Variants in GPHN observed in about 807,000 individuals in gnomAD.
GPHN encodes gephyrin.
A neutral mutation model predicts 95.5 loss-of-function variants in GPHN; 17 were observed. That is an observed-to-expected ratio of 0.18 (90% CI 0.12 to 0.27). The LOEUF is 0.27. Among genes scored for constraint, GPHN ranks in the 10% least tolerant of loss-of-function variants. The pLI is 1.00. For missense variants in GPHN, 660 were observed against 978.1 expected (o/e 0.67, Z 4.34); for synonymous variants, 320 against 322.5 (o/e 0.99, Z 0.08).
At chr14:67,214,827 C>T in the GPHN span, among the ~76,000 whole-genome samples, 1 of 152,166 alleles carries the variant, frequency 6.6e-6, no homozygotes, top group East Asian at 1.9e-4. Flanking sequence ...TTATTTGTAT[C>T]CTCTTTGATT....
chr14:66,598,119 G>T (rs1293471081), intron 1 of GPHN, among the ~76,000 whole-genome samples: 1 of 152,146 alleles, frequency 6.6e-6, no homozygotes, highest in Non-Finnish European at 1.5e-5. Context: ...ATTATCAGAG[G>T]CTAGGGTGTG....
At chr14:67,323,843 T>C in the GPHN span, 137 of 1,168,064 alleles carry the variant, frequency 1.2e-4, 1 homozygote, top group South Asian at 1.8e-3. Flanking sequence ...TACTATTCCA[T>C]TGAAGGTAAA....
chr14:67,295,742 A>T, the GPHN span, among the ~76,000 whole-genome samples: 10 of 152,228 alleles, frequency 6.6e-5, no homozygotes, highest in South Asian at 2.1e-3. Context: ...AACAACTGAA[A>T]CTCTCATACA....
intron 10 of GPHN, among the ~76,000 whole-genome samples, chr14:67,055,095 T>C (rs2075494949): frequency 6.6e-6 from 1 of 152,012 alleles, no homozygotes. Context: ...AATTGACAAA[T>C]GAGATCTAAT....
chr14:67,419,137 C>A, the GPHN span, among the ~76,000 whole-genome samples: 2 of 152,332 alleles, frequency 1.3e-5, no homozygotes, highest in South Asian at 4.1e-4. Context: ...CTTCCCTCGC[C>A]TCCTTCCATT....
rs17781130 is a variant in GPHN, at chr14:67,113,362, A to G, written c.1626+191A>G. Among the ~76,000 whole-genome samples the G allele has an allele frequency of 0.019, 2,935 of 152,354 alleles. 38 individuals are homozygous for G. Among genetic ancestry groups the G allele is most frequent in the Middle Eastern group, 0.034 (10 of 294 alleles). On this transcript the variant is annotated intron_variant, in intron 16 of 22. Transcript: ENST00000478722. The stretch of plus-strand genomic sequence containing the variant: ...GTTCAGAATATGAGAACAAAGAAGA[A>G]CTAGTAAAAATTATGTATTATGAAA...
At chr14:67,102,524 G>T (rs1364043512) in intron 13 of GPHN, among the ~76,000 whole-genome samples, 1 of 152,004 alleles carries the variant, frequency 6.6e-6, no homozygotes, top group Admixed American at 6.6e-5. Flanking sequence ...GCCAGGCGTG[G>T]TGGCACATGG....
chr14:66,766,102 T>A (rs1176784291), intron 2 of GPHN, among the ~76,000 whole-genome samples: 5 of 152,292 alleles, frequency 3.3e-5, no homozygotes, highest in Admixed American at 6.5e-5. Context: ...CCTAACTTTT[T>A]CCCTGAGAGC....
chr14:67,327,486 TA>T, the GPHN span, among the ~76,000 whole-genome samples: 1 of 152,072 alleles, frequency 6.6e-6, no homozygotes, highest in African/African-American at 2.4e-5. Context: ...ATTTTTATTT[TA>T]TTTTTTTATT....
chr14:66,528,805 G>A, intron 1 of GPHN, among the ~76,000 whole-genome samples: 1 of 152,144 alleles, frequency 6.6e-6, no homozygotes, highest in Admixed American at 6.5e-5. Context: ...ACTGTCTTCT[G>A]GCTTGTATGA....
chr14:66,850,947 G>T (rs2062556296), intron 4 of GPHN, among the ~76,000 whole-genome samples: 1 of 151,890 alleles, frequency 6.6e-6, no homozygotes, highest in African/African-American at 2.4e-5. Context: ...TAATATAATT[G>T]TTATGTTAAT....
At chr14:66,664,477 A>G (rs2065836385) in intron 1 of GPHN, among the ~76,000 whole-genome samples, 1 of 152,200 alleles carries the variant, frequency 6.6e-6, no homozygotes, top group Non-Finnish European at 1.5e-5. Flanking sequence ...GGACACAGCT[A>G]AAGTAGTGTT....
chr14:66,582,834 G>A (rs946265577), intron 1 of GPHN, among the ~76,000 whole-genome samples: 43 of 151,972 alleles, frequency 2.8e-4, no homozygotes, highest in African/African-American at 6.8e-4. Flanking sequence ...GAATAGTGCC[G>A]CAATAAACAT....
intron 2 of GPHN, among the ~76,000 whole-genome samples, chr14:66,711,587 CTTT>C (rs57175111): frequency 3.8e-5 from 5 of 130,954 alleles, no homozygotes; most frequent in Admixed American, 7.5e-5. Flanking sequence ...AATGGTAGTT[CTTT>C]TTTTTTTTTT....
intron 2 of GPHN, among the ~76,000 whole-genome samples, chr14:66,712,323 G>T (rs547645432): frequency 6.6e-6 from 1 of 152,220 alleles, no homozygotes; most frequent in South Asian, 2.1e-4. Flanking sequence ...GTTTTGATTT[G>T]CATTTCTCTG....
At chr14:66,527,605 G>C (rs1004320357) in intron 1 of GPHN, among the ~76,000 whole-genome samples, 1 of 152,070 alleles carries the variant, frequency 6.6e-6, no homozygotes, top group Non-Finnish European at 1.5e-5. Flanking sequence ...TGGGCCTTTG[G>C]TGCTATAAAT....
chr14:66,926,360 G>T (rs1416071378), intron 8 of GPHN, among the ~76,000 whole-genome samples: 1 of 152,118 alleles, frequency 6.6e-6, no homozygotes, highest in East Asian at 1.9e-4. Context: ...CCTTTTAGTG[G>T]TTTCATAGTT....
At chr14:67,025,637 A>G (rs901048869) in intron 10 of GPHN, among the ~76,000 whole-genome samples, 1 of 152,234 alleles carries the variant, frequency 6.6e-6, no homozygotes, top group African/African-American at 2.4e-5. Flanking sequence ...TGAGATTCCA[A>G]AAGTACTTCC....
chr14:66,896,940 C>G (rs1167665967), intron 5 of GPHN, among the ~76,000 whole-genome samples: 1 of 152,106 alleles, frequency 6.6e-6, no homozygotes, highest in East Asian at 1.9e-4. Flanking sequence ...CATATTCAAA[C>G]TTGATAAACA....
Sources: gnomAD v4.1 joint callset for allele counts (sites outside exome capture counted in the v4.1 genomes callset) on GRCh38, gnomAD v4.1.1 for gene constraint, MANE v1.5 for transcripts, NCBI Gene and HGNC (gene_info 2026-07-23, HGNC 2026-07-21) for gene names.